The following LRRC4C variants were observed in gnomAD, a reference collection of about 807,000 sequenced individuals.
LRRC4C encodes leucine-rich repeat-containing protein 4C.
LRRC4C carries 5 observed loss-of-function variants against 33.6 expected under a neutral mutation model. That is an observed-to-expected ratio of 0.15 (90% CI 0.08 to 0.31). LRRC4C has a LOEUF of 0.31. Among genes scored for constraint, LRRC4C ranks in the 10% least tolerant of loss-of-function variants. LRRC4C has a pLI of 1.00. For missense variants in LRRC4C, 560 were observed against 796.7 expected (o/e 0.70, Z 3.58); for synonymous variants, 329 against 302.0 (o/e 1.09, Z -0.93).
intron 1 of LRRC4C, among the ~76,000 whole-genome samples, chr11:40,937,680 T>A (rs1957967943): frequency 6.6e-6 from 1 of 151,160 alleles, no homozygotes; most frequent in Admixed American, 6.6e-5. Context: ...AGACAGAGTC[T>A]CACCCCAGCT....
Position 40,813,436 on chromosome 11 carries a change from A to C in LRRC4C, c.-407+120199T>G, listed in dbSNP as rs146556067. On this transcript the variant is annotated intron_variant, in intron 2 of 6. Coordinates refer to ENST00000528697, the MANE Select transcript of LRRC4C (RefSeq NM_001258419.2). ...GTAAGGCTTATTAATTATTACAGTAACATTATGGGGAAAACTGCCCCATGA... is the reference window on the plus strand; with the variant it reads ...GTAAGGCTTATTAATTATTACAGTACCATTATGGGGAAAACTGCCCCATGA... Among the ~76,000 whole-genome samples, 14 of 152,200 alleles carry C rather than the reference A, an allele frequency of 9.2e-5. No homozygotes were observed. In the East Asian group the frequency reaches 2.5e-3, roughly 27 times the overall value.
At chr11:40,129,067 G>C (rs1856465680) in intron 6 of LRRC4C, among the ~76,000 whole-genome samples, 1 of 152,088 alleles carries the variant, frequency 6.6e-6, no homozygotes, top group African/African-American at 2.4e-5. Context: ...ACCTAGAACA[G>C]TACTCATGGA....
chr11:40,207,267 T>C (rs1359643534), intron 5 of LRRC4C, among the ~76,000 whole-genome samples: 1 of 152,140 alleles, frequency 6.6e-6, no homozygotes, highest in African/African-American at 2.4e-5. Flanking sequence ...CTGCTTTCCA[T>C]GCTGTGGAAA....
chr11:40,874,772 T>A (rs938455729), intron 2 of LRRC4C, among the ~76,000 whole-genome samples: 1 of 152,200 alleles, frequency 6.6e-6, no homozygotes, highest in African/African-American at 2.4e-5. Flanking sequence ...GGCCAGGGTG[T>A]CTGGTAGCCT....
chr11:41,366,517 C>T (rs1018967161), intron 1 of LRRC4C, among the ~76,000 whole-genome samples: 8 of 152,004 alleles, frequency 5.3e-5, no homozygotes, highest in African/African-American at 1.7e-4. Flanking sequence ...TTAATTTCTG[C>T]ATAATGCATT....
chr11:40,618,669 A>T (rs888991102), intron 3 of LRRC4C, among the ~76,000 whole-genome samples: 2 of 151,742 alleles, frequency 1.3e-5, no homozygotes, highest in Admixed American at 1.3e-4. Context: ...TGAGCCTGCC[A>T]TGCTATCGCT....
intron 1 of LRRC4C, among the ~76,000 whole-genome samples, chr11:41,402,901 C>T (rs1027153871): frequency 1.8e-4 from 27 of 151,904 alleles, no homozygotes; most frequent in African/African-American, 6.3e-4. Context: ...TATGAATAAT[C>T]GAGAGCTGAA....
chr11:40,914,315 T>C (rs1956840756), intron 2 of LRRC4C, among the ~76,000 whole-genome samples: 1 of 152,110 alleles, frequency 6.6e-6, no homozygotes, highest in Non-Finnish European at 1.5e-5. Context: ...ACTGGCAAAG[T>C]GAATCCAGCA....
At chr11:40,381,339 A>G (rs1005197660) in intron 3 of LRRC4C, among the ~76,000 whole-genome samples, 1 of 152,146 alleles carries the variant, frequency 6.6e-6, no homozygotes, top group Non-Finnish European at 1.5e-5. Flanking sequence ...CCATTAACCA[A>G]CTGGATCTGC....
At chr11:41,357,925 G>A (rs1952219743) in intron 1 of LRRC4C, among the ~76,000 whole-genome samples, 1 of 151,764 alleles carries the variant, frequency 6.6e-6, no homozygotes, top group South Asian at 2.1e-4. Context: ...TAATATAGAG[G>A]GGCAAAAGAC....
intron 3 of LRRC4C, among the ~76,000 whole-genome samples, chr11:40,349,651 T>A (rs1323734649): frequency 6.6e-6 from 1 of 152,168 alleles, no homozygotes; most frequent in Non-Finnish European, 1.5e-5. Context: ...ACCTCCATAC[T>A]GTTATTTATA....
chr11:40,936,040 ATATATATATATATATATATATATAT>A (rs1565219275), intron 1 of LRRC4C, among the ~76,000 whole-genome samples: 1,454 of 68,088 alleles, frequency 0.021, 69 homozygotes, highest in Non-Finnish European at 0.032. Flanking sequence ...ATATATATAT[ATATATATATATATATATATATATAT>A]AACATAGTTT....
chr11:40,938,109 G>C (rs1957985032), intron 1 of LRRC4C, among the ~76,000 whole-genome samples: 1 of 152,128 alleles, frequency 6.6e-6, no homozygotes, highest in Non-Finnish European at 1.5e-5. Context: ...CATTTAAAAA[G>C]CATCACTTAA....
intron 3 of LRRC4C, among the ~76,000 whole-genome samples, chr11:40,518,351 A>AATTGGATAGAAC (rs1166991408): frequency 1.8e-4 from 28 of 152,344 alleles, no homozygotes; most frequent in African/African-American, 6.0e-4. Flanking sequence ...ACATTTTTGC[A>AATTGGATAGAAC]ATCTATCCAA....
chr11:40,374,242 T>C (rs1231827524), intron 3 of LRRC4C, among the ~76,000 whole-genome samples: 1 of 152,164 alleles, frequency 6.6e-6, no homozygotes, highest in Non-Finnish European at 1.5e-5. Flanking sequence ...GTTGTGTCCG[T>C]AGTGGTGATG....
In LRRC4C at chr11:40,699,717, A is replaced by T. The variant is rs1257722643; in HGVS notation, c.-406-51439T>A. Among the ~76,000 whole-genome samples, 4 of 152,230 alleles carry T rather than the reference A, an allele frequency of 2.6e-5. No homozygotes were observed. The South Asian group carries it at 6.2e-4, about 24-fold the overall frequency. ...ACACACACATATAATTTCTATTTAC[A>T]TACACGTTTCCCTAAGGAATATTGA... On this transcript the variant is annotated intron_variant, in intron 2 of 6. Transcript: ENST00000528697.
chr11:41,197,704 C>T (rs1946239011), intron 1 of LRRC4C, among the ~76,000 whole-genome samples: 1 of 152,034 alleles, frequency 6.6e-6, no homozygotes, highest in Admixed American at 6.6e-5. Flanking sequence ...TCATTATTCT[C>T]CTGGCCTCTT....
chr11:40,460,298 T>A (rs1210266881), intron 3 of LRRC4C, among the ~76,000 whole-genome samples: 4 of 151,236 alleles, frequency 2.6e-5, no homozygotes, highest in Non-Finnish European at 5.9e-5. Flanking sequence ...AACGGAGGGA[T>A]TTTAATTTCA....
At chr11:41,072,917 A>T (rs1938814741) in intron 1 of LRRC4C, among the ~76,000 whole-genome samples, 1 of 152,142 alleles carries the variant, frequency 6.6e-6, no homozygotes, top group South Asian at 2.1e-4. Context: ...TATTTCAGGA[A>T]TTTTTTATTG....
Sources: gnomAD v4.1 joint callset for allele counts (sites outside exome capture counted in the v4.1 genomes callset) on GRCh38, gnomAD v4.1.1 for gene constraint, MANE v1.5 for transcripts, NCBI Gene and HGNC (gene_info 2026-07-23, HGNC 2026-07-21) for gene names.